The following SENP2 variants were observed in gnomAD, a reference collection of about 807,000 sequenced individuals.
SENP2 encodes sentrin-specific protease 2.
In SENP2, 16 loss-of-function variants were observed where a neutral mutation model predicts 86.3. The ratio of observed to expected loss-of-function variants is 0.19; its 90% CI spans 0.13 to 0.28. The LOEUF is 0.28. SENP2 is among the 10% of genes least tolerant of loss of function. The probability of loss-of-function intolerance (pLI) is 1.00; values close to 1 mark genes in which losing one functional copy is unlikely to be tolerated. For synonymous variants in SENP2, 222 were observed against 238.7 expected, an observed-to-expected ratio of 0.93 and a Z score of 0.64; for missense variants, 552 against 703.0, an observed-to-expected ratio of 0.79 and a Z score of 2.43.
At chr3:185,590,901 CTTT>C (rs1158491597) in intron 2 of SENP2, among the ~76,000 whole-genome samples, 22 of 94,140 alleles carry the variant, frequency 2.3e-4, no homozygotes, top group East Asian at 1.2e-3. Context: ...AGAAAGTCTC[CTTT>C]TTTTTTTTTT....
intron 14 of SENP2, among the ~76,000 whole-genome samples, chr3:185,623,577 A>G (rs1432198648): frequency 6.6e-6 from 1 of 152,138 alleles, no homozygotes; most frequent in Non-Finnish European, 1.5e-5. Flanking sequence ...CCAGAAAGCC[A>G]CTTTGGGAGG....
intron 2 of SENP2, among the ~76,000 whole-genome samples, chr3:185,592,882 G>A (rs1722053171): frequency 6.6e-6 from 1 of 152,180 alleles, no homozygotes; most frequent in Non-Finnish European, 1.5e-5. Context: ...CTCCCAAAGT[G>A]CTGGAATTAC....
chr3:185,604,317 A>G (rs1392280895), intron 5 of SENP2, among the ~76,000 whole-genome samples: 1 of 152,122 alleles, frequency 6.6e-6, no homozygotes, highest in Non-Finnish European at 1.5e-5. Context: ...CGTTTCTTTT[A>G]AGTTTTTTAA....
chr3:185,599,064 T>G (rs1722263046), intron 4 of SENP2, 40 bp downstream of exon 4: 3 of 1,442,484 alleles, frequency 2.1e-6, no homozygotes, highest in Non-Finnish European at 9.7e-7. Context: ...CGCTACCTCC[T>G]TCTGCCCATT....
chr3:185,588,930 T>C (rs971499067), intron 1 of SENP2, among the ~76,000 whole-genome samples: 2 of 152,204 alleles, frequency 1.3e-5, no homozygotes, highest in Non-Finnish European at 2.9e-5. Context: ...CCTTGATCTT[T>C]ACTATACTTT....
At chr3:185,629,352 G>A (rs573748316) in intron 16 of SENP2, among the ~76,000 whole-genome samples, 8 of 152,188 alleles carry the variant, frequency 5.3e-5, no homozygotes, top group Admixed American at 2.0e-4. Context: ...TGAGGCGGGC[G>A]GATCACCTGC....
At chr3:185,623,564 A>T (rs1271701915) in intron 14 of SENP2, among the ~76,000 whole-genome samples, 1 of 152,130 alleles carries the variant, frequency 6.6e-6, no homozygotes, top group African/African-American at 2.4e-5. Flanking sequence ...TTAAATAAAA[A>T]ATCCAGAAAG....
chr3:185,592,721 AT>A (rs1722048151), intron 2 of SENP2, among the ~76,000 whole-genome samples: 2 of 151,348 alleles, frequency 1.3e-5, no homozygotes, highest in East Asian at 3.9e-4. Flanking sequence ...GGTTCAAGTG[AT>A]TCCCCTGCCT....
At chr3:185,609,393 G>C in intron 7 of SENP2, 43 bp downstream of exon 7, 1 of 1,411,730 alleles carries the variant, frequency 7.1e-7, no homozygotes, top group Non-Finnish European at 1.0e-6. Context: ...GGCATCTTTT[G>C]TTTGTTTGTT....
chr3:185,594,742 C>T lies in SENP2; in HGVS notation c.158-3670C>T, dbSNP rs1206927723. 1.3e-5 allele frequency among the ~76,000 whole-genome samples: 2 copies of T among 152,054 alleles called. 1 individual carries two copies. The highest frequency in any genetic ancestry group is 4.2e-4 in the South Asian group (2 of 4,818). ...TCAAGCGATTCTCCTGCCTCAGTCT[C>T]CTGAGTAGCTGGGATTACAGGTGTG... On this transcript the variant is annotated intron_variant, in intron 2 of 16. Coordinates refer to ENST00000296257, the MANE Select transcript of SENP2 (RefSeq NM_021627.3).
At chr3:185,616,866 ATCT>A (rs1711631823) in intron 11 of SENP2, among the ~76,000 whole-genome samples, 1 of 69,738 alleles carries the variant, frequency 1.4e-5, no homozygotes, top group African/African-American at 1.5e-4. Context: ...CTGGGTTCAA[ATCT>A]TCTTCTACCT....
intron 15 of SENP2, among the ~76,000 whole-genome samples, 199 bp from the exon 16 acceptor site, chr3:185,626,099 C>T (rs1712132564): frequency 6.6e-6 from 1 of 152,152 alleles, no homozygotes; most frequent in Admixed American, 6.6e-5. Flanking sequence ...GCCTGTTTTT[C>T]CCTTGCTATG....
chr3:185,607,502 G>C (rs4687523), intron 6 of SENP2, among the ~76,000 whole-genome samples: 12,914 of 151,020 alleles, frequency 0.086, 855 homozygotes, highest in South Asian at 0.34. Flanking sequence ...CTAATTTTTT[G>C]TATTTTTAGT....
At chr3:185,593,266 C>CTGTTT (rs1163686764) in intron 2 of SENP2, among the ~76,000 whole-genome samples, 3 of 152,164 alleles carry the variant, frequency 2.0e-5, no homozygotes, top group African/African-American at 2.4e-5. Context: ...AATTATCGTT[C>CTGTTT]TGTTTTGTTT....
intron 2 of SENP2, among the ~76,000 whole-genome samples, chr3:185,590,652 G>C (rs1721949913): frequency 6.7e-6 from 1 of 150,348 alleles, no homozygotes; most frequent in African/African-American, 2.4e-5. Context: ...GATCACTTGA[G>C]GTCAGGAGTT....
intron 16 of SENP2, among the ~76,000 whole-genome samples, chr3:185,627,373 A>G (rs1047665613): frequency 2.0e-5 from 3 of 152,156 alleles, no homozygotes; most frequent in Non-Finnish European, 4.4e-5. Context: ...TAACTTGTGA[A>G]TACTGCTTTT....
At chr3:185,620,356 C>T (rs1051750390) in intron 13 of SENP2, among the ~76,000 whole-genome samples, 5 of 152,236 alleles carry the variant, frequency 3.3e-5, no homozygotes, top group South Asian at 2.1e-4. Flanking sequence ...GGTGAGATGC[C>T]GCACCTGGCC....
intron 7 of SENP2, among the ~76,000 whole-genome samples, chr3:185,610,442 G>A (rs1336278315): frequency 6.6e-6 from 1 of 152,102 alleles, no homozygotes; most frequent in Non-Finnish European, 1.5e-5. Context: ...GATTACAGGC[G>A]TGAGCCACCG....
chr3:185,607,081 C>G (rs1722538657), intron 6 of SENP2, among the ~76,000 whole-genome samples: 1 of 151,056 alleles, frequency 6.6e-6, no homozygotes, highest in African/African-American at 2.4e-5. Context: ...TCCCACGTTC[C>G]AGCATATGTT....
Sources: gnomAD v4.1 joint callset for allele counts (sites outside exome capture counted in the v4.1 genomes callset) on GRCh38, gnomAD v4.1.1 for gene constraint, MANE v1.5 for transcripts, NCBI Gene and HGNC (gene_info 2026-07-23, HGNC 2026-07-21) for gene names.